Variants in STAU2 observed in about 807,000 individuals in gnomAD.
STAU2 encodes the protein double-stranded RNA-binding protein Staufen homolog 2.
Under a neutral mutation model 65.9 loss-of-function variants are expected in STAU2, and 20 were observed. The ratio of observed to expected loss-of-function variants is 0.30; its 90% CI spans 0.21 to 0.44. The LOEUF is 0.44. Among genes scored for constraint, STAU2 ranks in the 20% least tolerant of loss-of-function variants. STAU2 has a pLI of 1.00. For missense variants in STAU2, 558 were observed against 683.9 expected (o/e 0.82, Z 2.05); for synonymous variants, 232 against 233.9 (o/e 0.99, Z 0.07).
chr8:73,696,818 T>G (rs1819719612), intron 4 of STAU2, among the ~76,000 whole-genome samples: 1 of 152,156 alleles, frequency 6.6e-6, no homozygotes, highest in Non-Finnish European at 1.5e-5. Flanking sequence ...GTAGAAAGTT[T>G]ATTCAAAGGG....
In STAU2 at chr8:73,420,736, T is replaced by C. The variant is rs1223891297; in HGVS notation, c.*636A>G. On this transcript the variant is annotated 3_prime_UTR_variant, in exon 15 of 15. Coordinates refer to ENST00000524300, the MANE Select transcript of STAU2 (RefSeq NM_001164380.2). The stretch of plus-strand genomic sequence containing the variant: ...AGTTCCTGGAGTATGTTGAAACTAC[T>C]TGCTCTTAACATTAGTTCGTATTTT... 5 of 156,346 alleles carry C rather than the reference T, an allele frequency of 3.2e-5. No homozygotes were observed. The highest frequency in any genetic ancestry group is 7.1e-5 in the Non-Finnish European group (5 of 70,378). The allele number at this position is 156,346 out of a possible 1,614,324, so 9.7% of individuals were successfully genotyped here.
chr8:73,605,170 A>G (rs1291234367), intron 9 of STAU2, among the ~76,000 whole-genome samples: 1 of 151,870 alleles, frequency 6.6e-6, no homozygotes, highest in Non-Finnish European at 1.5e-5. Flanking sequence ...TATATATAGT[A>G]TATTTTATGT....
chr8:73,737,555 T>C (rs1806526309), intron 3 of STAU2, among the ~76,000 whole-genome samples: 1 of 150,098 alleles, frequency 6.7e-6, no homozygotes, highest in Admixed American at 6.7e-5. Flanking sequence ...AAAAGTATTT[T>C]GTTTCTTTCC....
At chr8:73,579,878 T>C (rs1809856316) in intron 12 of STAU2, among the ~76,000 whole-genome samples, 1 of 152,216 alleles carries the variant, frequency 6.6e-6, no homozygotes, top group African/African-American at 2.4e-5. Context: ...GTAATCACAA[T>C]CACTTGCAAA....
At chr8:73,423,787 G>C (rs28641968) in intron 13 of STAU2, among the ~76,000 whole-genome samples, 33 of 152,292 alleles carry the variant, frequency 2.2e-4, no homozygotes, top group African/African-American at 7.9e-4. Flanking sequence ...TGGGCAGGTA[G>C]TACACAGAGT....
intron 3 of STAU2, among the ~76,000 whole-genome samples, chr8:73,734,124 C>G (rs1008431736): frequency 4.6e-5 from 7 of 151,220 alleles, no homozygotes; most frequent in African/African-American, 1.7e-4. Context: ...AAAAACATAC[C>G]TGCATAGAAA....
intron 13 of STAU2, among the ~76,000 whole-genome samples, chr8:73,481,149 A>G (rs1423560356): frequency 2.4e-5 from 3 of 124,646 alleles, no homozygotes; most frequent in African/African-American, 7.6e-5. Flanking sequence ...ATTGCCTTTC[A>G]CTCTCTCCCT....
At chr8:73,532,635 T>TA (rs1187451498) in intron 13 of STAU2, among the ~76,000 whole-genome samples, 1 of 152,074 alleles carries the variant, frequency 6.6e-6, no homozygotes, top group African/African-American at 2.4e-5. Context: ...CTCAAAAATA[T>TA]AAAAAATTTT....
intron 13 of STAU2, among the ~76,000 whole-genome samples, chr8:73,455,082 T>C (rs1180446267): frequency 6.6e-6 from 1 of 152,140 alleles, no homozygotes; most frequent in African/African-American, 2.4e-5. Context: ...GGCATGACCC[T>C]AGAATTCTAC....
chr8:73,538,998 A>G (rs918871668), intron 13 of STAU2, among the ~76,000 whole-genome samples: 2 of 152,172 alleles, frequency 1.3e-5, no homozygotes, highest in Non-Finnish European at 2.9e-5. Flanking sequence ...TACCAACTCT[A>G]TTAGGTTTTT....
chr8:73,422,670 T>A lies in STAU2; in HGVS notation c.1563A>T (p.Glu521Asp), dbSNP rs73318729. Residue 521 changes from glutamate to aspartate, a missense_variant, in exon 14 of 15, where the codon GAA (glutamate) becomes GAT (aspartate). Coordinates refer to ENST00000524300, the MANE Select transcript of STAU2 (RefSeq NM_001164380.2). The stretch of plus-strand genomic sequence containing the variant: ...CTCCATCGATTGGATCCAGTCCTTG[T>A]TCAGAAAATTGTTTCAAGGCACTTA... ...AALSALKQFS[E>D]QGLDPIDGAM... The A allele has an allele frequency of 6.6e-7, 1 of 1,506,306 alleles. No homozygotes were observed. The highest frequency in any genetic ancestry group is 8.8e-7 in the Non-Finnish European group (1 of 1,135,662). 93.3% of individuals were successfully genotyped at this position (1,506,306 alleles called of 1,614,324 possible).
intron 6 of STAU2, among the ~76,000 whole-genome samples, chr8:73,626,415 T>A (rs1211485913): frequency 6.6e-6 from 1 of 152,124 alleles, no homozygotes; most frequent in Non-Finnish European, 1.5e-5. Context: ...AGGCAGCAAA[T>A]CAGAACTTAA....
chr8:73,570,045 T>C (rs554928574), intron 12 of STAU2, among the ~76,000 whole-genome samples: 1 of 152,264 alleles, frequency 6.6e-6, no homozygotes, highest in African/African-American at 2.4e-5. Context: ...TTCAAACCCA[T>C]TGCAAAGGAG....
intron 3 of STAU2, among the ~76,000 whole-genome samples, chr8:73,734,585 G>A (rs1354546010): frequency 6.6e-6 from 1 of 152,150 alleles, no homozygotes; most frequent in Non-Finnish European, 1.5e-5. Context: ...CACGAGGTCA[G>A]AAGTTCGAGA....
At chr8:73,593,880 T>TACACAC (rs3032945) in intron 11 of STAU2, among the ~76,000 whole-genome samples, 2 of 150,418 alleles carry the variant, frequency 1.3e-5, no homozygotes, top group Non-Finnish European at 3.0e-5. Context: ...GACACACACA[T>TACACAC]ACACACACAC....
At chr8:73,646,612 A>C (rs1815391086) in intron 6 of STAU2, among the ~76,000 whole-genome samples, 1 of 152,206 alleles carries the variant, frequency 6.6e-6, no homozygotes, top group Admixed American at 6.5e-5. Context: ...TGTAAACCAT[A>C]AAACCTTTAA....
intron 3 of STAU2, 89 bp from the exon 4 acceptor site, chr8:73,709,251 T>C (rs1005937387): frequency 4.5e-6 from 5 of 1,102,020 alleles, no homozygotes; most frequent in South Asian, 4.2e-5. Context: ...GTAGATTGTA[T>C]ATTTAAATTA....
intron 6 of STAU2, among the ~76,000 whole-genome samples, chr8:73,633,678 C>G (rs1452532018): frequency 6.6e-6 from 1 of 152,158 alleles, no homozygotes; most frequent in South Asian, 2.1e-4. Context: ...GAGGACAAGT[C>G]AGTAAGAAAA....
At chr8:73,722,371 A>T (rs1161874204) in intron 3 of STAU2, among the ~76,000 whole-genome samples, 1 of 152,110 alleles carries the variant, frequency 6.6e-6, no homozygotes, top group Non-Finnish European at 1.5e-5. Context: ...CTTTCATGTA[A>T]CTCCATATTT....
Sources: allele counts gnomAD v4.1 joint callset (sites outside exome capture counted in the v4.1 genomes callset), GRCh38; gene constraint gnomAD v4.1.1; transcripts MANE v1.5; gene names NCBI Gene and HGNC (gene_info 2026-07-23, HGNC 2026-07-21).